NFASC: variants seen among roughly 807,000 people sequenced by gnomAD.
The protein encoded by NFASC is neurofascin.
NFASC carries 43 observed loss-of-function variants against 147.5 expected under a neutral mutation model. The observed-to-expected ratio is 0.29, with a 90% confidence interval of 0.23 to 0.38. The LOEUF is 0.38. Among genes scored for constraint, NFASC ranks in the 10% least tolerant of loss-of-function variants. The probability of loss-of-function intolerance (pLI) is 1.00; values close to 1 mark genes in which losing one functional copy is unlikely to be tolerated. For synonymous variants in NFASC, 622 were observed against 665.5 expected, an observed-to-expected ratio of 0.93 and a Z score of 1.01; for missense variants, 1,320 against 1,689.0, an observed-to-expected ratio of 0.78 and a Z score of 3.83.
intron 1 of NFASC, among the ~76,000 whole-genome samples, chr1:204,861,692 T>A: frequency 6.6e-6 from 1 of 152,126 alleles, no homozygotes; most frequent in Non-Finnish European, 1.5e-5. Context: ...GGTTTCACCA[T>A]GTTAGCCAGG....
chr1:205,007,241 A>G (rs1461243954), intron 27 of NFASC, among the ~76,000 whole-genome samples: 1 of 152,034 alleles, frequency 6.6e-6, no homozygotes, highest in Non-Finnish European at 1.5e-5. Context: ...AAAATTAAAA[A>G]AACAATTAGC....
At position 204,970,738 on chromosome 1, in the gene NFASC, C is replaced by A. The variant is rs534210615; in HGVS notation, c.1126C>A (p.Pro376Thr). The change falls in exon 11 of 30, where the codon CCT becomes ACT. Residue 376 changes from proline (P) to threonine (T), a missense_variant. Pro to Thr is a conservative substitution (Grantham distance 38). This residue lies in a region of NFASC where 981 missense variants were observed against 1,289.5 expected (regional missense o/e 0.76). Transcript: ENST00000339876. The part of the protein sequence containing the change: ...PTVQWMVNGE[P>T]LQSAPPNPNR... ...TGTCCAGTGGATGGTGAATGGGGAACCTTTGCAATGTAAGTAGCGAGCTGT... is the reference window on the plus strand; with the variant it reads ...TGTCCAGTGGATGGTGAATGGGGAAACTTTGCAATGTAAGTAGCGAGCTGT... 5.6e-6 allele frequency: 9 copies of A among 1,614,182 alleles called. No individual in the cohort carries two copies. The African/African-American group carries it at 8.0e-5, about 14-fold the overall frequency.
rs777663775 is a variant in NFASC at position 204,857,916 on chromosome 1, C to CTTTTTT, written c.-200+29136_-200+29137insTTTTTT. On this transcript the variant is annotated intron_variant, in intron 1 of 29. Coordinates refer to ENST00000339876, the MANE Select transcript of NFASC (RefSeq NM_001005388.3). ...TCTGTGTCCTAGTCTCCTTCTTCTT[C>CTTTTTT]TTCTTTTTTTTTTTTTTTTTGAGAT... Among the ~76,000 whole-genome samples the CTTTTTT allele has an allele frequency of 4.4e-3, 583 of 133,424 alleles. 21 individuals are homozygous for CTTTTTT. Among genetic ancestry groups the CTTTTTT allele is most frequent in the African/African-American group, 0.013 (440 of 32,748 alleles). 87.5% of individuals were successfully genotyped at this position (133,424 alleles called of 152,430 possible).
Position 204,912,301 on chromosome 1 carries a change from G to T in NFASC, c.-199-8331G>T, listed in dbSNP as rs191098786. On this transcript the variant is annotated intron_variant, in intron 1 of 29. Transcript: ENST00000339876. The stretch of plus-strand genomic sequence containing the variant: ...ACTTCCCCTTAGCAGTGCTTTAGCT[G>T]TGTCCCTCGGATTTTGATATGTTGT... Among the ~76,000 whole-genome samples the T allele has an allele frequency of 5.9e-5, 9 of 152,046 alleles. No homozygotes were observed. The East Asian group carries it at 1.7e-3, about 29-fold the overall frequency.
At chr1:204,922,606 C>T (rs887356469) in intron 2 of NFASC, among the ~76,000 whole-genome samples, 3 of 152,108 alleles carry the variant, frequency 2.0e-5, no homozygotes, top group South Asian at 2.1e-4. Context: ...CCCAAGGTTT[C>T]GCAAAACTAA....
At chr1:204,946,624 T>C (rs2093756767) in intron 3 of NFASC, 1 of 494,318 alleles carries the variant, frequency 2.0e-6, no homozygotes, top group Admixed American at 2.1e-5. Context: ...TGGCACTCTA[T>C]GGCCGAGGCC....
At chr1:204,946,469 G>T in intron 3 of NFASC, 1 of 418,536 alleles carries the variant, frequency 2.4e-6, no homozygotes, top group Non-Finnish European at 5.0e-6. Flanking sequence ...GACCCAGGCT[G>T]CCCGGAGCAT....
intron 2 of NFASC, among the ~76,000 whole-genome samples, chr1:204,921,595 C>A (rs769967770): frequency 6.6e-6 from 1 of 152,046 alleles, no homozygotes; most frequent in Non-Finnish European, 1.5e-5. Context: ...AGAGTGCCGA[C>A]GACATGGACT....
In NFASC at chr1:204,973,027, A is replaced by G. The variant is rs2095304467; in HGVS notation, c.1136-249A>G. Among the ~76,000 whole-genome samples, 2 of 152,222 alleles carry G rather than the reference A, an allele frequency of 1.3e-5. 1 individual carries two copies. The highest frequency in any genetic ancestry group is 4.1e-4 in the South Asian group (2 of 4,828). On this transcript the variant is annotated intron_variant, in intron 11 of 29. Coordinates refer to ENST00000339876, the MANE Select transcript of NFASC (RefSeq NM_001005388.3). ...TCTCAACCACAACTGCCCAATGGGTAGGTAGGTCGAACAGGAATTCATATT... is the reference window on the plus strand; with the variant it reads ...TCTCAACCACAACTGCCCAATGGGTGGGTAGGTCGAACAGGAATTCATATT...
At chr1:204,862,242 C>T (rs61098185) in intron 1 of NFASC, among the ~76,000 whole-genome samples, 10,399 of 152,208 alleles carry the variant, frequency 0.068, 1,107 homozygotes, top group African/African-American at 0.23. Context: ...AAAAAAATTA[C>T]CATCTACCCT....
At chr1:204,950,458 A>G in intron 3 of NFASC, 99 bp from the exon 4 acceptor site, 1 of 1,128,020 alleles carries the variant, frequency 8.9e-7, no homozygotes, top group Non-Finnish European at 1.3e-6. Flanking sequence ...CACCCCGCCC[A>G]CTCCCTGTGT....
At chr1:204,945,672 C>T (rs1414205613) in intron 3 of NFASC, among the ~76,000 whole-genome samples, 1 of 152,098 alleles carries the variant, frequency 6.6e-6, no homozygotes, top group African/African-American at 2.4e-5. Context: ...TGCATGCCCA[C>T]ACACGTGTGC....
chr1:204,952,250 G>A, intron 5 of NFASC, 134 bp downstream of exon 5: 2 of 675,134 alleles, frequency 3.0e-6, no homozygotes, highest in Admixed American at 5.0e-5. Flanking sequence ...CCTACTAGGT[G>A]GAAGGCATAA....
chr1:204,978,533 C>T (rs2095450738), intron 17 of NFASC, among the ~76,000 whole-genome samples: 6 of 152,202 alleles, frequency 3.9e-5, no homozygotes, highest in Admixed American at 3.9e-4. Flanking sequence ...TCCTCAGAGC[C>T]TTGGCACACA....
Position 204,828,688 on chromosome 1 carries a change from G to A in NFASC, c.-294G>A. On this transcript the variant is annotated 5_prime_UTR_variant, in exon 1 of 30. Coordinates refer to ENST00000339876, the MANE Select transcript of NFASC (RefSeq NM_001005388.3). ...GGTCTCTGCCCTAATGCGGCGGCTG[G>A]CGGCGAGAGGCGCTGCAGGGGACGC... The A allele has an allele frequency of 2.0e-6, 2 of 985,370 alleles. No individual in the cohort carries two copies. Among genetic ancestry groups the A allele is most frequent in the Non-Finnish European group, 2.4e-6 (2 of 830,030 alleles). The allele number at this position is 985,370 out of a possible 1,614,324, so 61.0% of individuals were successfully genotyped here.
At chr1:205,009,820 A>G (rs1325137827) in intron 28 of NFASC, 132 bp downstream of exon 28, 20 of 978,872 alleles carry the variant, frequency 2.0e-5, no homozygotes, top group Admixed American at 1.1e-4. Flanking sequence ...TGGAAATACA[A>G]TCCTCTTGCC....
chr1:204,948,457 C>T (rs2093921894), intron 3 of NFASC, among the ~76,000 whole-genome samples: 1 of 152,206 alleles, frequency 6.6e-6, no homozygotes. Flanking sequence ...ACTCTTGCTG[C>T]CCTGAGAGTC....
intron 1 of NFASC, among the ~76,000 whole-genome samples, chr1:204,849,707 G>A (rs1429539895): frequency 6.6e-6 from 1 of 152,152 alleles, no homozygotes; most frequent in African/African-American, 2.4e-5. Context: ...ATGATGTTCT[G>A]GTCATCCATC....
intron 1 of NFASC, among the ~76,000 whole-genome samples, chr1:204,845,292 A>G (rs923893689): frequency 4.1e-5 from 4 of 98,434 alleles, no homozygotes; most frequent in Non-Finnish European, 9.3e-5. Context: ...CTCTACTAAA[A>G]TACAAAAAAA....
Sources: allele counts gnomAD v4.1 joint callset (sites outside exome capture counted in the v4.1 genomes callset), GRCh38; gene constraint gnomAD v4.1.1; regional missense constraint gnomAD v4.1.1; transcripts MANE v1.5; gene names NCBI Gene and HGNC (gene_info 2026-07-23, HGNC 2026-07-21).